GRID1: variants seen among roughly 807,000 people sequenced by gnomAD.
GRID1 encodes the protein glutamate ionotropic receptor delta type subunit 1.
A neutral mutation model predicts 98.0 loss-of-function variants in GRID1; 28 were observed. That is an observed-to-expected ratio of 0.29 (90% CI 0.21 to 0.39). The LOEUF (loss-of-function observed/expected upper bound fraction) is 0.39. Among genes scored for constraint, GRID1 ranks in the 10% least tolerant of loss-of-function variants. The pLI, the probability that GRID1 is intolerant of heterozygous loss-of-function variation, is 1.00. For synonymous variants in GRID1, 553 were observed against 538.5 expected (o/e 1.03, Z -0.37); for missense variants, 1,111 against 1,340.5 (o/e 0.83, Z 2.67).
intron 8 of GRID1, among the ~76,000 whole-genome samples, chr10:85,745,466 G>A (rs1043093257): frequency 7.1e-5 from 9 of 126,668 alleles, no homozygotes; most frequent in South Asian, 2.9e-4. Flanking sequence ...GTAAACTATC[G>A]CAAGAACGAA....
At chr10:86,154,505 G>A (rs968187233) in intron 3 of GRID1, among the ~76,000 whole-genome samples, 1 of 152,004 alleles carries the variant, frequency 6.6e-6, no homozygotes, top group African/African-American at 2.4e-5. Context: ...AAGGGCCCCC[G>A]GCTTCTTGAC....
At chr10:85,933,149 ACT>A (rs1253459803) in intron 4 of GRID1, among the ~76,000 whole-genome samples, 1 of 151,712 alleles carries the variant, frequency 6.6e-6, no homozygotes, top group African/African-American at 2.4e-5. Flanking sequence ...TCTCCTGCTC[ACT>A]CTCTCTTACC....
intron 3 of GRID1, among the ~76,000 whole-genome samples, chr10:86,173,509 T>C (rs1296429977): frequency 6.6e-6 from 1 of 152,186 alleles, no homozygotes; most frequent in Non-Finnish European, 1.5e-5. Context: ...ATATAGCCAA[T>C]TGTTTGATAC....
At chr10:85,902,280 C>G (rs904258578) in intron 5 of GRID1, among the ~76,000 whole-genome samples, 32 of 152,232 alleles carry the variant, frequency 2.1e-4, no homozygotes, top group African/African-American at 7.2e-4. Context: ...TGTGGAGACC[C>G]TGGATAAAGG....
At chr10:85,884,286 A>G (rs1841080545) in intron 5 of GRID1, among the ~76,000 whole-genome samples, 1 of 152,250 alleles carries the variant, frequency 6.6e-6, no homozygotes, top group South Asian at 2.1e-4. Flanking sequence ...TGGAATTTAA[A>G]TTCTTTAGCT....
At chr10:86,234,713 G>T (rs1440889139) in intron 2 of GRID1, among the ~76,000 whole-genome samples, 8 of 152,228 alleles carry the variant, frequency 5.3e-5, no homozygotes, top group Admixed American at 1.3e-4. Context: ...TAGGCAGCAA[G>T]CATCAGGCTT....
chr10:86,212,747 C>T (rs1156325179), intron 2 of GRID1, among the ~76,000 whole-genome samples: 1 of 152,174 alleles, frequency 6.6e-6, no homozygotes, highest in East Asian at 1.9e-4. Context: ...ATGGCTAATG[C>T]TTTAAATTAA....
At chr10:86,085,772 G>T (rs568651750) in intron 4 of GRID1, among the ~76,000 whole-genome samples, 8 of 152,022 alleles carry the variant, frequency 5.3e-5, no homozygotes, top group Non-Finnish European at 1.0e-4. Context: ...CAGTCCGAAG[G>T]TCCCTGCTGA....
At chr10:85,995,926 T>C (rs1479752797) in intron 4 of GRID1, among the ~76,000 whole-genome samples, 3 of 152,190 alleles carry the variant, frequency 2.0e-5, no homozygotes, top group African/African-American at 4.8e-5. Context: ...AATCAGTATA[T>C]AAAAGCTGTG....
chr10:86,154,031 G>T (rs1008600227), intron 3 of GRID1, among the ~76,000 whole-genome samples: 1 of 152,282 alleles, frequency 6.6e-6, no homozygotes, highest in Admixed American at 6.5e-5. Context: ...ATCACAGGCC[G>T]CCGGAAGGCC....
intron 8 of GRID1, among the ~76,000 whole-genome samples, chr10:85,828,766 G>T (rs1244163051): frequency 3.3e-5 from 5 of 151,982 alleles, no homozygotes; most frequent in African/African-American, 1.2e-4. Context: ...AGGAAGTAAT[G>T]GAATCCTTGA....
At chr10:85,674,944 C>G (rs1841127669) in intron 12 of GRID1, among the ~76,000 whole-genome samples, 1 of 152,078 alleles carries the variant, frequency 6.6e-6, no homozygotes, top group South Asian at 2.1e-4. Context: ...CTCATATATT[C>G]CATTGGAGTT....
intron 4 of GRID1, among the ~76,000 whole-genome samples, chr10:86,095,691 T>TA (rs952141273): frequency 2.0e-5 from 3 of 151,850 alleles, no homozygotes; most frequent in East Asian, 1.9e-4. Flanking sequence ...ATGGTCATAA[T>TA]AAAAAAAAAT....
intron 2 of GRID1, among the ~76,000 whole-genome samples, chr10:86,249,297 G>T (rs1330824492): frequency 6.6e-6 from 1 of 152,126 alleles, no homozygotes; most frequent in Non-Finnish European, 1.5e-5. Context: ...CTTGGCATTT[G>T]GCCACCCACA....
intron 5 of GRID1, among the ~76,000 whole-genome samples, chr10:85,911,779 C>A (rs1329344267): frequency 2.0e-5 from 3 of 152,170 alleles, no homozygotes; most frequent in Non-Finnish European, 4.4e-5. Context: ...GAATTCCCTG[C>A]ACAAAGTTCC....
rs1169675379 is a variant in GRID1 at position 85,600,654 on chromosome 10, G to A, written c.*1619C>T. ...TCCATTCTGACGGGTCTGGAGATCA[G>A]ACTAACCTTTGTCTTTAGGAGAGGA... On this transcript the variant is annotated 3_prime_UTR_variant, in exon 16 of 16. Coordinates refer to ENST00000327946, the MANE Select transcript of GRID1 (RefSeq NM_017551.3). The A allele has an allele frequency of 6.6e-6, 1 of 152,214 alleles. No homozygotes were observed. The highest frequency in any genetic ancestry group is 1.9e-4 in the East Asian group (1 of 5,192). The allele number at this position is 152,214 out of a possible 1,614,324, so 9.4% of individuals were successfully genotyped here.
At chr10:85,626,725 T>C (rs907772620) in intron 13 of GRID1, among the ~76,000 whole-genome samples, 2 of 152,182 alleles carry the variant, frequency 1.3e-5, no homozygotes, top group African/African-American at 4.8e-5. Flanking sequence ...CATTACCACA[T>C]GCAGCCTGAA....
chr10:85,717,127 C>CA (rs1211189170), intron 12 of GRID1, among the ~76,000 whole-genome samples: 3 of 152,094 alleles, frequency 2.0e-5, no homozygotes, highest in Non-Finnish European at 4.4e-5. Flanking sequence ...TCATCACATG[C>CA]AAAAAACTGA....
intron 4 of GRID1, among the ~76,000 whole-genome samples, chr10:85,982,491 C>G (rs1842558101): frequency 6.6e-6 from 1 of 152,104 alleles, no homozygotes; most frequent in South Asian, 2.1e-4. Context: ...ACGCCTGTGG[C>G]CATTGTCCAT....
Sources: allele counts gnomAD v4.1 joint callset (sites outside exome capture counted in the v4.1 genomes callset), GRCh38; gene constraint gnomAD v4.1.1; transcripts MANE v1.5; gene names NCBI Gene and HGNC (gene_info 2026-07-23, HGNC 2026-07-21).